Variants in CAPN2 observed in about 807,000 individuals in gnomAD.
CAPN2 encodes the protein calpain-2 catalytic subunit.
In CAPN2, 92 loss-of-function variants were observed where a neutral mutation model predicts 102.3. The ratio of observed to expected loss-of-function variants is 0.90; its 90% CI spans 0.76 to 1.07. The LOEUF (loss-of-function observed/expected upper bound fraction) is 1.07. Ranked by LOEUF, CAPN2 falls within the 50% of genes least tolerant of loss-of-function variation. The pLI is 0.00. For missense variants in CAPN2, 800 were observed against 909.4 expected, an observed-to-expected ratio of 0.88 and a Z score of 1.55; for synonymous variants, 340 against 355.4, an observed-to-expected ratio of 0.96 and a Z score of 0.49.
intron 1 of CAPN2, among the ~76,000 whole-genome samples, chr1:223,705,051 T>C (rs1571772279): frequency 6.6e-6 from 1 of 152,036 alleles, no homozygotes; most frequent in Non-Finnish European, 1.5e-5. Flanking sequence ...GATTAATAGC[T>C]CACTCAGGGG....
At chr1:223,717,599 A>C (rs1659910945) in intron 1 of CAPN2, among the ~76,000 whole-genome samples, 163 bp from the exon 2 acceptor site, 1 of 152,160 alleles carries the variant, frequency 6.6e-6, no homozygotes, top group African/African-American at 2.4e-5. Flanking sequence ...AGCAGGGGTC[A>C]GAAGGACCTC....
intron 15 of CAPN2, among the ~76,000 whole-genome samples, chr1:223,765,691 G>A (rs573498344): frequency 7.2e-6 from 1 of 139,356 alleles, no homozygotes; most frequent in South Asian, 2.3e-4. Flanking sequence ...CAGCTGCTGG[G>A]CCAGAGCCTT....
In CAPN2 at chr1:223,755,084, C is replaced by T. The variant is rs746266668; in HGVS notation, c.1136-396C>T. Among the ~76,000 whole-genome samples, 13 of 152,134 alleles carry T rather than the reference C, an allele frequency of 8.5e-5. No individual in the cohort carries two copies. The highest frequency in any genetic ancestry group is 1.3e-4 in the Non-Finnish European group (9 of 68,014). On this transcript the variant is annotated intron_variant, in intron 9 of 20. Coordinates refer to ENST00000295006, the MANE Select transcript of CAPN2 (RefSeq NM_001748.5). This position sits in a 1 kb window ranked among gnomAD's most constrained non-coding sequence, Gnocchi z 4.1. ...TCCTCTCTCCACAGCTACCGTCACC[C>T]GTCTCCAGCCTAACAAAGCCTGCAG...
upstream of CAPN2, among the ~76,000 whole-genome samples, chr1:223,708,282 C>T (rs1659655158): frequency 6.6e-6 from 1 of 152,100 alleles, no homozygotes; most frequent in African/African-American, 2.4e-5. Context: ...GACTTGCAAA[C>T]CAGAGATGGA....
rs1384760134 is a variant in CAPN2 at position 223,772,075 on chromosome 1, A to C, written c.2021-106A>C. The C allele has an allele frequency of 4.3e-6, 5 of 1,174,486 alleles. No homozygotes were observed. The Admixed American group carries it at 6.9e-5, about 16-fold the overall frequency. The allele number at this position is 1,174,486 out of a possible 1,614,324, so 72.8% of individuals were successfully genotyped here. A position where few individuals can be genotyped will look rare whatever the true frequency, so the allele number is the denominator to read the frequency against. ...CTTTACTAATTTGAGGGTGAGGAAG[A>C]AAGCATGTATGGTGGTCAGTGAAGT... is the stretch of plus-strand genomic sequence containing the variant. On this transcript the variant is annotated intron_variant, in intron 19 of 20. Transcript: ENST00000295006.
chr1:223,710,463 A>AC (rs753209376), upstream of CAPN2, among the ~76,000 whole-genome samples: 5 of 151,456 alleles, frequency 3.3e-5, no homozygotes, highest in South Asian at 8.4e-4. Context: ...CCCCTCCCCT[A>AC]CCCCCGCCAA....
chr1:223,736,534 G>C (rs1222145), intron 2 of CAPN2, among the ~76,000 whole-genome samples: 2 of 151,990 alleles, frequency 1.3e-5, no homozygotes, highest in Non-Finnish European at 2.9e-5. Flanking sequence ...AAAGATACAG[G>C]GGCAAGTTTG....
chr1:223,772,270 G>C, intron 20 of CAPN2, 31 bp downstream of exon 20: 1 of 1,596,818 alleles, frequency 6.3e-7, no homozygotes, highest in South Asian at 1.1e-5. Context: ...TTGCTTCTAA[G>C]GGGATGGGGG....
intron 2 of CAPN2, among the ~76,000 whole-genome samples, chr1:223,741,074 A>T (rs961709036): frequency 6.6e-6 from 1 of 152,242 alleles, no homozygotes; most frequent in Non-Finnish European, 1.5e-5. Flanking sequence ...TGTGACAAGG[A>T]AATGAGATAA....
In CAPN2 at chr1:223,725,885, G is replaced by C. The variant is rs997350778; in HGVS notation, c.307+8054G>C. On this transcript the variant is annotated intron_variant, in intron 2 of 20. Transcript: ENST00000295006. This position sits in a 1 kb window ranked among gnomAD's most constrained non-coding sequence, Gnocchi z 4.1. ...TTTCCACTCACCCATCTGCGAAATG[G>C]GAACAATGACGATGTTTGCGTCCTT... Among the ~76,000 whole-genome samples, 2 of 152,164 alleles carry C rather than the reference G, an allele frequency of 1.3e-5. No homozygotes were observed. Among genetic ancestry groups the C allele is most frequent in the Non-Finnish European group, 2.9e-5 (2 of 68,028 alleles).
intron 2 of CAPN2, among the ~76,000 whole-genome samples, chr1:223,736,803 G>A (rs190324082): frequency 1.2e-3 from 176 of 152,238 alleles, no homozygotes; most frequent in African/African-American, 4.2e-3. Context: ...CCAATACTTC[G>A]GGAGGCTGAG....
chr1:223,736,837 G>T (rs1246033283), intron 2 of CAPN2, among the ~76,000 whole-genome samples: 1 of 152,088 alleles, frequency 6.6e-6, no homozygotes, highest in Non-Finnish European at 1.5e-5. Flanking sequence ...TTGAGACCAG[G>T]AGTTTGAGAC....
At chr1:223,763,349 C>T (rs1021566018) in intron 14 of CAPN2, among the ~76,000 whole-genome samples, 2 of 152,208 alleles carry the variant, frequency 1.3e-5, no homozygotes, top group Non-Finnish European at 2.9e-5. Context: ...CGGCCTCTCA[C>T]CCTCTGCTCC....
At chr1:223,741,468 A>ATATATATATATATATATATATATT (rs71166282) in intron 2 of CAPN2, among the ~76,000 whole-genome samples, 1 of 138,344 alleles carries the variant, frequency 7.2e-6, no homozygotes, top group African/African-American at 2.9e-5. Context: ...ATATATATAT[A>ATATATATATATATATATATATATT]TTTGAGAGGG....
At chr1:223,741,272 A>G (rs1308974025) in intron 2 of CAPN2, among the ~76,000 whole-genome samples, 1 of 151,936 alleles carries the variant, frequency 6.6e-6, no homozygotes, top group East Asian at 1.9e-4. Context: ...TGAGGGAAAG[A>G]GTGAAGGAAC....
Position 223,725,796 on chromosome 1 carries a change from G to A in CAPN2, c.307+7965G>A, listed in dbSNP as rs942664199. ...CAGAGGCCCTTCAGTGCCAAGGAAC[G>A]TGGACTCTCTCCTATCCCAGCACAT... On this transcript the variant is annotated intron_variant, in intron 2 of 20. Coordinates refer to ENST00000295006, the MANE Select transcript of CAPN2 (RefSeq NM_001748.5). This position sits in a 1 kb window ranked among gnomAD's most constrained non-coding sequence, Gnocchi z 4.1. 2.0e-5 allele frequency among the ~76,000 whole-genome samples: 3 copies of A among 152,180 alleles called. No individual in the cohort carries two copies. The highest frequency in any genetic ancestry group is 4.4e-5 in the Non-Finnish European group (3 of 68,030).
At chr1:223,710,947 G>A (rs890384599), upstream of CAPN2, among the ~76,000 whole-genome samples, 3 of 151,900 alleles carry the variant, frequency 2.0e-5, no homozygotes, top group African/African-American at 7.3e-5. Context: ...CAACCACCTC[G>A]GGCACATGTC....
chr1:223,772,929 AT>A, intron 20 of CAPN2: 1 of 152,220 alleles, frequency 6.6e-6, no homozygotes, highest in Middle Eastern at 3.2e-3. Flanking sequence ...TCCAGTCAGC[AT>A]TTCCTCTATA....
chr1:223,735,388 C>T (rs1450424317), intron 2 of CAPN2, among the ~76,000 whole-genome samples: 1 of 151,976 alleles, frequency 6.6e-6, no homozygotes, highest in Non-Finnish European at 1.5e-5. Flanking sequence ...ATTAGCTGGG[C>T]ATGGTGGTGG....
Sources: gnomAD v4.1 joint callset for allele counts (sites outside exome capture counted in the v4.1 genomes callset) on GRCh38, gnomAD v4.1.1 for gene constraint, Gnocchi (gnomAD v3.1) non-coding constraint, MANE v1.5 for transcripts, NCBI Gene and HGNC (gene_info 2026-07-23, HGNC 2026-07-21) for gene names.